The following L3MBTL3 variants were observed in gnomAD, a reference collection of about 807,000 sequenced individuals.
The protein encoded by L3MBTL3 is L3MBTL histone methyl-lysine binding protein 3, also known as lethal(3)malignant brain tumor-like protein 3.
Under a neutral mutation model 102.3 loss-of-function variants are expected in L3MBTL3, and 27 were observed. That is an observed-to-expected ratio of 0.26 (90% confidence interval 0.19 to 0.36). The LOEUF (loss-of-function observed/expected upper bound fraction) is 0.36. Among genes scored for constraint, L3MBTL3 ranks in the 10% least tolerant of loss-of-function variants. The pLI, the probability that L3MBTL3 is intolerant of heterozygous loss-of-function variation, is 1.00. For missense variants in L3MBTL3, 798 were observed against 955.3 expected, an observed-to-expected ratio of 0.84 and a Z score of 2.17; for synonymous variants, 340 against 320.9, an observed-to-expected ratio of 1.06 and a Z score of -0.64.
At chr6:130,128,275 A>G (rs1341023972) in intron 20 of L3MBTL3, among the ~76,000 whole-genome samples, 1 of 152,198 alleles carries the variant, frequency 6.6e-6, no homozygotes, top group Non-Finnish European at 1.5e-5. Context: ...TCTTCCACAT[A>G]AAGGAAGTAC....
At chr6:130,131,608 G>T (rs1239378221) in intron 20 of L3MBTL3, among the ~76,000 whole-genome samples, 3 of 152,214 alleles carry the variant, frequency 2.0e-5, no homozygotes, top group Admixed American at 6.5e-5. Context: ...AGAGAGTGAA[G>T]TGAGGATGCA....
At chr6:130,121,559 T>C (rs1365419266) in intron 20 of L3MBTL3, among the ~76,000 whole-genome samples, 9 of 152,224 alleles carry the variant, frequency 5.9e-5, no homozygotes, top group Non-Finnish European at 8.8e-5. Context: ...CACATATTGG[T>C]ACAATATTGT....
At position 130,044,065 on chromosome 6, in the gene L3MBTL3, T is replaced by G. The variant is rs1037606225; in HGVS notation, c.102+1264T>G. 8.5e-5 allele frequency among the ~76,000 whole-genome samples: 13 copies of G among 152,204 alleles called. 1 individual carries two copies. Among genetic ancestry groups the G allele is most frequent in the South Asian group, 4.1e-4 (2 of 4,828 alleles). ...TGCTTGCGCTGACATTCTCCAAATA[T>G]TCATCTGGATAAGATATGACAGAGA... On this transcript the variant is annotated intron_variant, in intron 3 of 22. Coordinates refer to ENST00000361794, the MANE Select transcript of L3MBTL3 (RefSeq NM_032438.4).
chr6:130,107,585 T>G (rs1239015727), intron 19 of L3MBTL3, among the ~76,000 whole-genome samples: 2 of 152,210 alleles, frequency 1.3e-5, no homozygotes, highest in Non-Finnish European at 2.9e-5. Context: ...AAAAAACATT[T>G]GTTAAGCATT....
intron 18 of L3MBTL3, among the ~76,000 whole-genome samples, chr6:130,103,140 T>C (rs757554374): frequency 1.3e-5 from 2 of 152,246 alleles, no homozygotes; most frequent in Non-Finnish European, 2.9e-5. Context: ...AAGTAAAATA[T>C]TGCATGTAAA....
intron 13 of L3MBTL3, among the ~76,000 whole-genome samples, chr6:130,075,890 C>T (rs1228284539): frequency 1.3e-5 from 2 of 152,210 alleles, no homozygotes; most frequent in African/African-American, 4.8e-5. Context: ...TGATGAGATG[C>T]TATCACCTTT....
At chr6:130,118,644 A>C (rs1785898194) in intron 19 of L3MBTL3, among the ~76,000 whole-genome samples, 5 of 152,196 alleles carry the variant, frequency 3.3e-5, no homozygotes, top group Admixed American at 2.6e-4. Flanking sequence ...TTTTTTGTGG[A>C]GTTCTTCATG....
chr6:130,116,569 A>G (rs1473440422), intron 19 of L3MBTL3, among the ~76,000 whole-genome samples: 1 of 152,146 alleles, frequency 6.6e-6, no homozygotes, highest in East Asian at 1.9e-4. Flanking sequence ...CCTGAGCAAC[A>G]TAGTGACACG....
intron 2 of L3MBTL3, among the ~76,000 whole-genome samples, chr6:130,029,612 T>C (rs552408143): frequency 6.6e-6 from 1 of 152,330 alleles, no homozygotes; most frequent in East Asian, 1.9e-4. Flanking sequence ...GTCCATGAAA[T>C]CTGAGTCATA....
rs138428775 is a variant in L3MBTL3, at chr6:130,114,710, G to A, written c.1887-6169G>A. 4.8e-3 allele frequency among the ~76,000 whole-genome samples: 738 copies of A among 152,246 alleles called. 2 individuals are homozygous for A. The Middle Eastern group carries it at 0.051, about 11-fold the overall frequency. On this transcript the variant is annotated intron_variant, in intron 19 of 22. Transcript: ENST00000361794. The stretch of plus-strand genomic sequence containing the variant: ...ACAGTAAACCATGTTTACCTCTCCT[G>A]GGTGATGTTTATGAAAACATAATTC...
At chr6:130,048,094 G>A (rs1267580234) in intron 3 of L3MBTL3, among the ~76,000 whole-genome samples, 1 of 152,206 alleles carries the variant, frequency 6.6e-6, no homozygotes, top group African/African-American at 2.4e-5. Flanking sequence ...CTGATAGAAA[G>A]AATAATTATT....
intron 19 of L3MBTL3, among the ~76,000 whole-genome samples, chr6:130,109,618 A>T (rs1340399765): frequency 6.6e-6 from 1 of 152,122 alleles, no homozygotes; most frequent in Non-Finnish European, 1.5e-5. Context: ...CCTTTGTCAG[A>T]TGGGTAGCTT....
At chr6:130,111,769 T>C (rs1785362085) in intron 19 of L3MBTL3, among the ~76,000 whole-genome samples, 1 of 152,158 alleles carries the variant, frequency 6.6e-6, no homozygotes, top group East Asian at 1.9e-4. Context: ...AGATTTGAGG[T>C]CCTATCTTAG....
At chr6:130,127,719 G>A (rs1017265517) in intron 20 of L3MBTL3, among the ~76,000 whole-genome samples, 2 of 152,020 alleles carry the variant, frequency 1.3e-5, no homozygotes, top group African/African-American at 4.8e-5. Context: ...GAGACCCAGC[G>A]ATTGATGTTG....
chr6:130,076,963 A>T (rs1410038427), intron 13 of L3MBTL3, among the ~76,000 whole-genome samples: 1 of 152,154 alleles, frequency 6.6e-6, no homozygotes, highest in Admixed American at 6.5e-5. Context: ...CCATTAAGAG[A>T]CCACAGTATT....
chr6:130,049,143 G>A (rs538979197), intron 3 of L3MBTL3, 139 bp from the exon 4 acceptor site: 1 of 601,892 alleles, frequency 1.7e-6, no homozygotes, highest in East Asian at 2.8e-5. Context: ...TTGGTGGGAG[G>A]TGTATCAGGA....
chr6:130,076,598 T>C (rs17058325), intron 13 of L3MBTL3, among the ~76,000 whole-genome samples: 3,043 of 152,272 alleles, frequency 0.02, 107 homozygotes, highest in African/African-American at 0.07. Flanking sequence ...GAGGCTTCTT[T>C]CATGATATAC....
intron 16 of L3MBTL3, among the ~76,000 whole-genome samples, chr6:130,086,633 A>T (rs958783075): frequency 4.7e-5 from 7 of 149,368 alleles, no homozygotes; most frequent in African/African-American, 1.7e-4. Context: ...GGAACATCCT[A>T]TCTCAATATA....
intron 19 of L3MBTL3, 28 bp from the exon 20 acceptor site, chr6:130,120,851 A>G (rs1786112869): frequency 2.6e-6 from 4 of 1,555,930 alleles, no homozygotes; most frequent in Non-Finnish European, 1.8e-6. Flanking sequence ...TTTCTCTTAT[A>G]AAATATTGAA....
Sources: allele counts gnomAD v4.1 joint callset (sites outside exome capture counted in the v4.1 genomes callset), GRCh38; gene constraint gnomAD v4.1.1; transcripts MANE v1.5; gene names NCBI Gene and HGNC (gene_info 2026-07-23, HGNC 2026-07-21).